Variants in MAST2 observed in about 807,000 individuals in gnomAD.
The protein encoded by MAST2 is microtubule associated serine/threonine kinase 2.
A neutral mutation model predicts 147.4 loss-of-function variants in MAST2; 70 were observed. That is an observed-to-expected ratio of 0.47 (90% CI 0.39 to 0.58). The LOEUF is 0.58. Among genes scored for constraint, MAST2 ranks in the 20% least tolerant of loss-of-function variants. MAST2 has a pLI of 0.00. For missense variants in MAST2, 2,080 were observed against 2,302.3 expected (o/e 0.90, Z 1.98); for synonymous variants, 869 against 896.8 (o/e 0.97, Z 0.55).
chr1:45,980,210 A>G lies in MAST2; in HGVS notation c.593-17514A>G, dbSNP rs563908119. Among the ~76,000 whole-genome samples, 15 of 139,744 alleles carry G rather than the reference A, an allele frequency of 1.1e-4. No individual in the cohort carries two copies. The East Asian group carries it at 3.4e-3, about 32-fold the overall frequency. The allele number at this position is 139,744 out of a possible 152,430, so 91.7% of individuals were successfully genotyped here. A position where few individuals can be genotyped will look rare whatever the true frequency, so the allele number is the denominator to read the frequency against. Reference sequence around the variant, plus strand: ...TGAGGCAGGAGAGTCGCTTGAACCCAGGAGATGGAGGTTGAAATCGCCCCA... The same window carrying G: ...TGAGGCAGGAGAGTCGCTTGAACCCGGGAGATGGAGGTTGAAATCGCCCCA... On this transcript the variant is annotated intron_variant, in intron 5 of 28. Transcript: ENST00000361297.
At chr1:46,006,974 A>T (rs1017693162) in intron 8 of MAST2, among the ~76,000 whole-genome samples, 3 of 152,184 alleles carry the variant, frequency 2.0e-5, no homozygotes, top group African/African-American at 7.2e-5. Flanking sequence ...CCCATTTCAA[A>T]AGCAGAATTA....
intron 21 of MAST2, 35 bp from the exon 22 acceptor site, chr1:46,030,572 A>G: frequency 1.3e-6 from 2 of 1,570,602 alleles, no homozygotes; most frequent in South Asian, 2.4e-5. Context: ...TACGGCTGCC[A>G]GAGCCCATCC....
Position 46,035,325 on chromosome 1 carries a change from T to C in MAST2, c.4656T>C (p.Pro1552=). 6.2e-7 allele frequency: 1 copy of C among 1,613,832 alleles called. No individual in the cohort carries two copies. The highest frequency in any genetic ancestry group is 8.5e-7 in the Non-Finnish European group (1 of 1,179,938). ...GEEDPFPSRD[P]RSLGPMVPSL... The stretch of plus-strand genomic sequence containing the variant: ...AGGATCCTTTCCCGTCCAGAGACCC[T>C]AGGAGCCTGGGCCCAATGGTCCCAA... The change falls in exon 29 of 29, where the codon CCT becomes CCC. Residue 1552 remains proline, a synonymous_variant. Transcript: ENST00000361297. This position sits in a 1 kb window ranked among gnomAD's most constrained non-coding sequence, Gnocchi z 5.5.
Position 46,023,142 on chromosome 1 carries a change from G to A in MAST2, c.1486-91G>A. 1 of 1,311,628 alleles carries A rather than the reference G, an allele frequency of 7.6e-7. No individual in the cohort carries two copies. The highest frequency in any genetic ancestry group is 1.1e-6 in the Non-Finnish European group (1 of 905,568). The allele number at this position is 1,311,628 out of a possible 1,614,324, so 81.2% of individuals were successfully genotyped here. A position where few individuals can be genotyped will look rare whatever the true frequency, so the allele number is the denominator to read the frequency against. ...ATGAGCAGGAGACTGCACTAGAGCT[G>A]ACAGCTGAGAAGATGCTAGAGCCAC... On this transcript the variant is annotated intron_variant, in intron 13 of 28. Transcript: ENST00000361297. This position sits in a 1 kb window ranked among gnomAD's most constrained non-coding sequence, Gnocchi z 4.9.
rs1027032686 is a variant in MAST2, at chr1:45,914,008, G to T, written c.500+31613G>T. ...GCCTGTCAGGAAGAGGGCTGAGCTG[G>T]CTTGATTAATTCAAGGTCAAAACAG... is the stretch of plus-strand genomic sequence containing the variant. On this transcript the variant is annotated intron_variant, in intron 4 of 28. Coordinates refer to ENST00000361297, the MANE Select transcript of MAST2 (RefSeq NM_015112.3). 3 of 518,220 alleles carry T rather than the reference G, an allele frequency of 5.8e-6. No individual in the cohort carries two copies. In the South Asian group the frequency reaches 1.6e-4, roughly 27 times the overall value. The allele number at this position is 518,220 out of a possible 1,614,324, so 32.1% of individuals were successfully genotyped here.
chr1:45,962,824 A>G lies in MAST2; in HGVS notation c.592+3347A>G, dbSNP rs181887657. On this transcript the variant is annotated intron_variant, in intron 5 of 28. Transcript: ENST00000361297. ...GCTTTTGTTGCCATTGCTTTTAGACATGAAGTCCTTGCTCATGCCTATGTC... is the reference window on the plus strand; with the variant it reads ...GCTTTTGTTGCCATTGCTTTTAGACGTGAAGTCCTTGCTCATGCCTATGTC... Among the ~76,000 whole-genome samples the G allele has an allele frequency of 6.6e-5, 10 of 151,902 alleles. No homozygotes were observed. In the East Asian group the frequency reaches 1.9e-3, roughly 29 times the overall value.
intron 4 of MAST2, chr1:45,913,729 CT>C: frequency 9.9e-7 from 1 of 1,010,266 alleles, no homozygotes; most frequent in Non-Finnish European, 1.2e-6. Flanking sequence ...GTTTGGGAAG[CT>C]TTTATAATTT....
intron 4 of MAST2, among the ~76,000 whole-genome samples, chr1:45,942,554 A>G (rs1304727396): frequency 2.0e-5 from 3 of 152,186 alleles, no homozygotes; most frequent in Admixed American, 2.0e-4. Context: ...GTACATATGC[A>G]GGTTTGTTAT....
chr1:46,009,773 C>T (rs1455272059), intron 9 of MAST2, among the ~76,000 whole-genome samples: 1 of 152,016 alleles, frequency 6.6e-6, no homozygotes, highest in East Asian at 1.9e-4. Flanking sequence ...ACTTTTTCAC[C>T]CTCTTCCTCT....
intron 4 of MAST2, among the ~76,000 whole-genome samples, chr1:45,884,420 C>A (rs929918264): frequency 6.6e-5 from 10 of 152,068 alleles, no homozygotes; most frequent in African/African-American, 1.9e-4. Context: ...GGCGTCATGG[C>A]GTGCGCCTGT....
intron 4 of MAST2, among the ~76,000 whole-genome samples, chr1:45,939,355 T>TTCCATTAATCTATATGCCTA (rs1656787220): frequency 6.6e-6 from 1 of 152,212 alleles, no homozygotes; most frequent in Admixed American, 6.5e-5. Context: ...CTCTCTTGCC[T>TTCCATTAATCTATATGCCTA]TCCATTAATC....
chr1:45,986,607 A>G (rs1009614352), intron 5 of MAST2, among the ~76,000 whole-genome samples: 1 of 151,254 alleles, frequency 6.6e-6, no homozygotes, highest in Non-Finnish European at 1.5e-5. Flanking sequence ...AGTCCCAGCT[A>G]CTCAGAGGCT....
intron 3 of MAST2, among the ~76,000 whole-genome samples, chr1:45,858,080 T>C (rs377518578): frequency 6.6e-6 from 1 of 152,056 alleles, no homozygotes; most frequent in African/African-American, 2.4e-5. Flanking sequence ...CATACGTGTG[T>C]ATGTGTCTTT....
chr1:46,018,184 G>A (rs1340799117), intron 10 of MAST2, among the ~76,000 whole-genome samples: 1 of 152,100 alleles, frequency 6.6e-6, no homozygotes, highest in Non-Finnish European at 1.5e-5. Context: ...CTACTGGTGT[G>A]TCACAGGGCA....
chr1:45,966,200 A>C (rs763222771), intron 5 of MAST2, among the ~76,000 whole-genome samples: 22 of 151,974 alleles, frequency 1.4e-4, no homozygotes, highest in African/African-American at 2.4e-4. Context: ...TTGATAGCTC[A>C]TTTCTTTCTG....
Position 45,803,940 on chromosome 1 carries a change from C to T in MAST2, c.45C>T (p.Pro15=). 1.1e-6 allele frequency: 1 copy of T among 911,650 alleles called. No individual in the cohort carries two copies. Among genetic ancestry groups the T allele is most frequent in the Non-Finnish European group, 1.5e-6 (1 of 667,136 alleles). The allele number at this position is 911,650 out of a possible 1,614,324, so 56.5% of individuals were successfully genotyped here. The change falls in exon 1 of 29, where the codon CCC becomes CCT. Residue 15 remains proline, a synonymous_variant. Coordinates refer to ENST00000361297, the MANE Select transcript of MAST2 (RefSeq NM_015112.3). ...GCGACCGACCGCAGCCGCCGCCGCC[C>T]GACCGCCGGGAGGATGGAGTTCAGC... ...RCRDRPQPPP[P]DRREDGVQRA... is the part of the protein sequence containing the mutation.
chr1:46,023,119 G>GAGC lies in MAST2; in HGVS notation c.1486-111_1486-109dup. 1 of 1,210,306 alleles carries GAGC rather than the reference G, an allele frequency of 8.3e-7. No individual in the cohort carries two copies. The highest frequency in any genetic ancestry group is 2.3e-5 in the East Asian group (1 of 42,846). The allele number at this position is 1,210,306 out of a possible 1,614,324, so 75.0% of individuals were successfully genotyped here. The stretch of plus-strand genomic sequence containing the variant: ...GAAGTCATTCTACTCCCAGAAGAAT[G>GAGC]AGCAGGAGACTGCACTAGAGCTGAC... On this transcript the variant is annotated intron_variant, in intron 13 of 28. Transcript: ENST00000361297. This position sits in a 1 kb window ranked among gnomAD's most constrained non-coding sequence, Gnocchi z 4.9.
At chr1:45,838,338 C>A (rs1347916620) in intron 3 of MAST2, among the ~76,000 whole-genome samples, 1 of 150,108 alleles carries the variant, frequency 6.7e-6, no homozygotes, top group Non-Finnish European at 1.5e-5. Flanking sequence ...TTTTGCCTTA[C>A]CCTCCTGAGT....
chr1:45,880,316 T>G (rs1646787952), intron 3 of MAST2, among the ~76,000 whole-genome samples: 1 of 152,238 alleles, frequency 6.6e-6, no homozygotes, highest in African/African-American at 2.4e-5. Context: ...TATATTTGTA[T>G]GGTTCCATTC....
Sources: gnomAD v4.1 joint callset for allele counts (sites outside exome capture counted in the v4.1 genomes callset) on GRCh38, gnomAD v4.1.1 for gene constraint, Gnocchi (gnomAD v3.1) non-coding constraint, MANE v1.5 for transcripts, NCBI Gene and HGNC (gene_info 2026-07-23, HGNC 2026-07-21) for gene names.